The following UBLCP1 variants were observed in gnomAD, a reference collection of about 807,000 sequenced individuals.
UBLCP1 encodes ubiquitin like domain containing CTD phosphatase 1.
UBLCP1 carries 28 observed loss-of-function variants against 42.4 expected under a neutral mutation model. The observed-to-expected ratio is 0.66, with a 90% CI of 0.49 to 0.90. The LOEUF is 0.90. Among genes scored for constraint, UBLCP1 ranks in the 40% least tolerant of loss-of-function variants. UBLCP1 has a pLI of 0.00. For synonymous variants in UBLCP1, 122 were observed against 120.8 expected (o/e 1.01, Z -0.07); for missense variants, 279 against 374.5 (o/e 0.75, Z 2.10).
At chr5:159,275,379 G>A in intron 8 of UBLCP1, 133 bp downstream of exon 8, 2 of 466,998 alleles carry the variant, frequency 4.3e-6, no homozygotes, top group Non-Finnish European at 3.7e-6. Flanking sequence ...TTTTGACATA[G>A]GAAAATGTAT....
rs1370464613 is a variant in UBLCP1, at chr5:159,270,445, G to A, written c.332G>A (p.Arg111Lys). ...IEDEVVEVEN[R>K]EENLLKISRR... ...GATGAAGTAGTTGAAGTAGAAAATA[G>A]GTAAGTGCTTTTCGCTTTAGAAGTA... Residue 111 changes from arginine (R) to lysine (K), a missense_variant and splice_region_variant, in exon 4 of 11, where the codon AGG (arginine) becomes AAG (lysine). Arg to Lys is a conservative substitution (Grantham distance 26). Coordinates refer to ENST00000296786, the MANE Select transcript of UBLCP1 (RefSeq NM_145049.5). The A allele has an allele frequency of 6.2e-7, 1 of 1,612,484 alleles. No homozygotes were observed. Among genetic ancestry groups the A allele is most frequent in the Non-Finnish European group, 8.5e-7 (1 of 1,179,030 alleles).
chr5:159,284,854 C>A, intron 10 of UBLCP1, 50 bp from the exon 11 acceptor site: 1 of 1,601,446 alleles, frequency 6.2e-7, no homozygotes, highest in Non-Finnish European at 8.5e-7. Flanking sequence ...AGGTTATCTT[C>A]ATGAATTTAG....
intron 3 of UBLCP1, 123 bp downstream of exon 3, chr5:159,270,122 C>G (rs1753446398): frequency 1.1e-6 from 1 of 908,754 alleles, no homozygotes; most frequent in South Asian, 1.8e-5. Context: ...AAAATAAAAC[C>G]CGCACCGTGA....
intron 5 of UBLCP1, among the ~76,000 whole-genome samples, chr5:159,270,850 C>T (rs1354942586): frequency 8.0e-6 from 1 of 124,344 alleles, no homozygotes; most frequent in Non-Finnish European, 1.8e-5. Context: ...AAGATGACCA[C>T]TCTTAGTAAT....
chr5:159,270,991 T>C (rs1212836414), intron 5 of UBLCP1, among the ~76,000 whole-genome samples: 2 of 151,916 alleles, frequency 1.3e-5, no homozygotes, highest in Non-Finnish European at 2.9e-5. Context: ...TGTGTATATA[T>C]ATTTTTTTAT....
Position 159,272,004 on chromosome 5 carries a change from A to G in UBLCP1, c.449-19A>G, listed in dbSNP as rs769536782. 3.2e-6 allele frequency: 5 copies of G among 1,555,586 alleles called. No homozygotes were observed. In the African/African-American group the frequency reaches 6.8e-5, roughly 21 times the overall value. ...CATGATGGTAAACTAATAATTATTT[A>G]TGATCAATTTTCTTTTAGACCACAG... On this transcript the variant is annotated intron_variant, in intron 5 of 10. Coordinates refer to ENST00000296786, the MANE Select transcript of UBLCP1 (RefSeq NM_145049.5).
At chr5:159,266,618 A>T (rs914947121) in intron 1 of UBLCP1, among the ~76,000 whole-genome samples, 1 of 152,246 alleles carries the variant, frequency 6.6e-6, no homozygotes, top group Non-Finnish European at 1.5e-5. Context: ...TCTCCAGGCT[A>T]TGTCAAAGAC....
intron 10 of UBLCP1, among the ~76,000 whole-genome samples, chr5:159,284,101 C>G (rs1402504247): frequency 2.6e-5 from 4 of 152,104 alleles, no homozygotes; most frequent in Non-Finnish European, 5.9e-5. Flanking sequence ...CTTTTCAGAT[C>G]AGTTTGACAC....
chr5:159,263,785 G>C (rs905856633), intron 1 of UBLCP1, among the ~76,000 whole-genome samples: 2 of 152,208 alleles, frequency 1.3e-5, no homozygotes, highest in African/African-American at 2.4e-5. Flanking sequence ...TCTCGCCGGA[G>C]TTCTTAGTGC....
chr5:159,285,186 CA>C lies in UBLCP1; in HGVS notation c.*256del, dbSNP rs1753657506. On this transcript the variant is annotated 3_prime_UTR_variant, in exon 11 of 11. Coordinates refer to ENST00000296786, the MANE Select transcript of UBLCP1 (RefSeq NM_145049.5). Reference sequence around the variant, plus strand: ...CTCCAGCGTTGGTTACTGACCACCCCACCCTCCCACCACACACACACACACA... The same window carrying C: ...CTCCAGCGTTGGTTACTGACCACCCCCCCTCCCACCACACACACACACACA... 1 of 420,068 alleles carries C rather than the reference CA, an allele frequency of 2.4e-6. No individual in the cohort carries two copies. Among genetic ancestry groups the C allele is most frequent in the African/African-American group, 2.1e-5 (1 of 47,156 alleles). 26.0% of individuals were successfully genotyped at this position (420,068 alleles called of 1,614,324 possible). A position where few individuals can be genotyped will look rare whatever the true frequency, so the allele number is the denominator to read the frequency against.
intron 10 of UBLCP1, among the ~76,000 whole-genome samples, chr5:159,284,418 C>A (rs867014522): frequency 6.6e-6 from 1 of 152,148 alleles, no homozygotes; most frequent in Non-Finnish European, 1.5e-5. Context: ...TGTCTTATAT[C>A]TTTTACACTC....
intron 9 of UBLCP1, among the ~76,000 whole-genome samples, chr5:159,278,867 C>G (rs542894707): frequency 1.3e-5 from 2 of 152,132 alleles, no homozygotes; most frequent in African/African-American, 4.8e-5. Context: ...CCACTGCGCC[C>G]GGCCCAAGTG....
At chr5:159,278,382 C>A in intron 9 of UBLCP1, 28 bp downstream of exon 9, 1 of 1,439,074 alleles carries the variant, frequency 6.9e-7, no homozygotes, top group Non-Finnish European at 9.8e-7. Flanking sequence ...TTGTTATGTG[C>A]TCATGTAATC....
rs62378742 is a variant in UBLCP1, at chr5:159,265,704, C to T, written c.-47+2344C>T. On this transcript the variant is annotated intron_variant, in intron 1 of 10. Transcript: ENST00000296786. ...ATCTGATGGATTTATCAGGGGTTTC[C>T]GCTTTTCTGTCTTCCTCATTCTCTC... Among the ~76,000 whole-genome samples the T allele has an allele frequency of 9.2e-3, 1,406 of 152,210 alleles. 12 individuals are homozygous for T. Among genetic ancestry groups the T allele is most frequent in the Admixed American group, 0.023 (358 of 15,290 alleles).
In UBLCP1 at chr5:159,275,153, G is replaced by T; in HGVS notation, c.591G>T (p.Leu197=). The T allele has an allele frequency of 6.2e-7, 1 of 1,612,652 alleles. No homozygotes were observed. The highest frequency in any genetic ancestry group is 1.1e-5 in the South Asian group (1 of 91,048). ...MKWIEAKMKE[L]GVSTNANYKI... Reference sequence around the variant, plus strand: ...ACAAATATTTGTGTTTATAGGAGCTGGGAGTGAGCACAAATGCAAATTATA... The same window carrying T: ...ACAAATATTTGTGTTTATAGGAGCTTGGAGTGAGCACAAATGCAAATTATA... The change falls in exon 8 of 11, where the codon CTG becomes CTT. Residue 197 remains leucine (L), a synonymous_variant. Coordinates refer to ENST00000296786, the MANE Select transcript of UBLCP1 (RefSeq NM_145049.5).
intron 10 of UBLCP1, 152 bp downstream of exon 10, chr5:159,283,491 C>T (rs1165523038): frequency 1.6e-6 from 1 of 620,918 alleles, no homozygotes; most frequent in Non-Finnish European, 2.6e-6. Context: ...TGACCTACCC[C>T]CAAAAGTATT....
In UBLCP1 at chr5:159,269,926, A is replaced by T; in HGVS notation, c.173A>T (p.Asp58Val). The T allele has an allele frequency of 6.2e-7, 1 of 1,613,090 alleles. No individual in the cohort carries two copies. Among genetic ancestry groups the T allele is most frequent in the South Asian group, 1.1e-5 (1 of 90,902 alleles). The change falls in exon 3 of 11, where the codon GAT (aspartate) becomes GTT (valine). Residue 58 changes from aspartate to valine, a missense_variant. Transcript: ENST00000296786. Reference sequence around the variant, plus strand: ...ATTGTAGGCAAACCTGCAGAAAATGATGTTAAGCTTGGAGCTCTCAAACTG... The same window carrying T: ...ATTGTAGGCAAACCTGCAGAAAATGTTGTTAAGCTTGGAGCTCTCAAACTG... ...LKVKGKPAEN[D>V]VKLGALKLKP...
intron 6 of UBLCP1, among the ~76,000 whole-genome samples, chr5:159,273,921 C>T (rs942827328): frequency 2.0e-5 from 3 of 151,250 alleles, no homozygotes; most frequent in Non-Finnish European, 2.9e-5. Context: ...CTTGGTTATA[C>T]CTGTATAGTT....
intron 8 of UBLCP1, among the ~76,000 whole-genome samples, chr5:159,275,884 C>T (rs141354195): frequency 1.1e-4 from 16 of 152,170 alleles, no homozygotes; most frequent in African/African-American, 3.4e-4. Context: ...TAGAAACAAG[C>T]GAAAACACTC....
Sources: gnomAD v4.1 joint callset for allele counts (sites outside exome capture counted in the v4.1 genomes callset) on GRCh38, gnomAD v4.1.1 for gene constraint, MANE v1.5 for transcripts, NCBI Gene and HGNC (gene_info 2026-07-23, HGNC 2026-07-21) for gene names.